The following RGPD1 variants were observed in gnomAD, a reference collection of about 807,000 sequenced individuals.
RGPD1 encodes RANBP2-like and GRIP domain-containing protein 1.
Under a neutral mutation model 40.6 loss-of-function variants are expected in RGPD1, and 7 were observed. That is an observed-to-expected ratio of 0.17 (90% CI 0.10 to 0.32). The LOEUF (loss-of-function observed/expected upper bound fraction) is 0.32, where lower values mean the gene tolerates loss of function less well. RGPD1 is among the 10% of genes least tolerant of loss of function. The pLI is 1.00. For missense variants in RGPD1, 50 were observed against 472.5 expected (o/e 0.11, Z 8.29); for synonymous variants, 24 against 167.0 (o/e 0.14, Z 6.60).
At chr2:86,931,987 TTATA>T (rs1164463775) in intron 1 of RGPD1, among the ~76,000 whole-genome samples, 1 of 147,966 alleles carries the variant, frequency 6.8e-6, no homozygotes, top group Non-Finnish European at 1.5e-5. Flanking sequence ...AATATTCATA[TTATA>T]TATATATGTC....
intron 1 of RGPD1, among the ~76,000 whole-genome samples, chr2:86,943,057 G>C (rs895353253): frequency 6.6e-6 from 1 of 151,390 alleles, no homozygotes; most frequent in African/African-American, 2.4e-5. Flanking sequence ...CTGCGGCGGA[G>C]GTCGTACCTC....
At position 86,933,140 on chromosome 2, in the gene RGPD1, T is replaced by C. The variant is rs1041923721; in HGVS notation, c.73-18156T>C. ...ATGTATATAAATATGTATACACATA[T>C]ATAATATCTGGAGCAAAAATGATTA... On this transcript the variant is annotated intron_variant, in intron 1 of 22. Transcript: ENST00000398193. Among the ~76,000 whole-genome samples the C allele has an allele frequency of 1.1e-4, 16 of 149,554 alleles. 1 individual carries two copies. The highest frequency in any genetic ancestry group is 2.9e-4 in the African/African-American group (12 of 40,860).
chr2:86,914,609 C>T (rs1184049487), intron 1 of RGPD1, among the ~76,000 whole-genome samples: 1 of 55,514 alleles, frequency 1.8e-5, no homozygotes, highest in South Asian at 6.4e-4. Context: ...TCGACCTGGC[C>T]GGGCGGCGGC....
intron 1 of RGPD1, among the ~76,000 whole-genome samples, chr2:86,926,502 G>A (rs1678517932): frequency 6.6e-6 from 1 of 152,028 alleles, no homozygotes; most frequent in East Asian, 1.9e-4. Context: ...CCCTTTGGGA[G>A]GAGGTTTATA....
At chr2:86,927,175 A>G (rs1453907856) in intron 1 of RGPD1, among the ~76,000 whole-genome samples, 3 of 151,774 alleles carry the variant, frequency 2.0e-5, no homozygotes, top group Middle Eastern at 3.4e-3. Flanking sequence ...TCCACACAAT[A>G]TCTGGTGTGT....
intron 6 of RGPD1, among the ~76,000 whole-genome samples, chr2:86,960,867 G>A (rs1680932617): frequency 3.1e-5 from 1 of 32,672 alleles, no homozygotes; most frequent in Admixed American, 2.7e-4. Flanking sequence ...GGGATTACAG[G>A]CATGAGCCAC....
At chr2:86,943,135 A>C (rs1680034448) in intron 1 of RGPD1, among the ~76,000 whole-genome samples, 1 of 151,116 alleles carries the variant, frequency 6.6e-6, no homozygotes, top group Non-Finnish European at 1.5e-5. Flanking sequence ...GTGTCGAGTG[A>C]CAACGTAGGC....
At chr2:86,942,648 G>C (rs1221456617) in intron 1 of RGPD1, among the ~76,000 whole-genome samples, 1 of 133,018 alleles carries the variant, frequency 7.5e-6, no homozygotes, top group Admixed American at 7.8e-5. Flanking sequence ...CGCCGGCCTC[G>C]ACCTGGCCGG....
chr2:86,927,222 A>C (rs1042396761), intron 1 of RGPD1, among the ~76,000 whole-genome samples: 8 of 150,414 alleles, frequency 5.3e-5, no homozygotes, highest in African/African-American at 2.0e-4. Context: ...ACCTTTCCTG[A>C]CTAGCCATTA....
At chr2:86,944,927 C>A (rs931666371) in intron 1 of RGPD1, among the ~76,000 whole-genome samples, 19 of 152,100 alleles carry the variant, frequency 1.2e-4, no homozygotes, top group African/African-American at 4.6e-4. Context: ...CCATGTTACC[C>A]AGGCTGGTCT....
chr2:86,944,824 T>G (rs1479394259), intron 1 of RGPD1, among the ~76,000 whole-genome samples: 1 of 152,128 alleles, frequency 6.6e-6, no homozygotes, highest in Non-Finnish European at 1.5e-5. Flanking sequence ...CCTCCCACCT[T>G]AGCCTCCTGG....
chr2:86,942,549 G>A (rs113865930), intron 1 of RGPD1, among the ~76,000 whole-genome samples: 1 of 130,282 alleles, frequency 7.7e-6, no homozygotes, highest in African/African-American at 2.8e-5. Flanking sequence ...GGGCGGCGGC[G>A]GCGGCCTCGA....
chr2:86,945,046 A>G (rs1226794544), intron 1 of RGPD1, among the ~76,000 whole-genome samples: 1 of 152,018 alleles, frequency 6.6e-6, no homozygotes, highest in African/African-American at 2.4e-5. Flanking sequence ...AAGCTTAAAA[A>G]AAAAAAAAGC....
chr2:87,012,963 C>G lies in RGPD1; in HGVS notation c.*416C>G. On this transcript the variant is annotated 3_prime_UTR_variant, in exon 23 of 23. Transcript: ENST00000641458. ...AATCCCTCACAGACACAGACGGACACTTTACAGTAGATGAACACAAAGATG... is the reference window on the plus strand; with the variant it reads ...AATCCCTCACAGACACAGACGGACAGTTTACAGTAGATGAACACAAAGATG... The G allele has an allele frequency of 4.8e-6, 2 of 418,892 alleles. No homozygotes were observed. The highest frequency in any genetic ancestry group is 8.4e-6 in the Non-Finnish European group (2 of 236,790). 25.9% of individuals were successfully genotyped at this position (418,892 alleles called of 1,614,324 possible).
intron 20 of RGPD1, among the ~76,000 whole-genome samples, chr2:86,988,453 A>AC (rs1443004826): frequency 1.1e-5 from 1 of 94,438 alleles, no homozygotes; most frequent in East Asian, 4.2e-4. Context: ...AAAAAAAAAA[A>AC]AAAAAACAAA....
At chr2:87,010,977 C>T (rs1324218938) in intron 22 of RGPD1, among the ~76,000 whole-genome samples, 8 of 84,140 alleles carry the variant, frequency 9.5e-5, no homozygotes, top group East Asian at 7.4e-4. Flanking sequence ...GAGGTGAACA[C>T]GTTACGCAAT....
At chr2:86,933,352 A>G (rs1423857911) in intron 1 of RGPD1, among the ~76,000 whole-genome samples, 1 of 150,298 alleles carries the variant, frequency 6.7e-6, no homozygotes. Context: ...TAAAACAACT[A>G]AAAATTAAAT....
At chr2:86,951,873 G>GTTTTTT (rs71269535) in intron 2 of RGPD1, among the ~76,000 whole-genome samples, 29 of 50,952 alleles carry the variant, frequency 5.7e-4, no homozygotes, top group African/African-American at 2.7e-3. Flanking sequence ...GGGAGGCAGG[G>GTTTTTT]TTTTTTTTTT....
At chr2:86,930,735 C>G (rs1678888158) in intron 1 of RGPD1, 1 of 1,504,620 alleles carries the variant, frequency 6.6e-7, no homozygotes. Context: ...GCTGCCGTTC[C>G]CGCTGCTGGC....
Sources: gnomAD v4.1 joint callset for allele counts (sites outside exome capture counted in the v4.1 genomes callset) on GRCh38, gnomAD v4.1.1 for gene constraint, MANE v1.5 for transcripts, NCBI Gene and HGNC (gene_info 2026-07-23, HGNC 2026-07-21) for gene names.